The following COL21A1 variants were observed in gnomAD, a reference collection of about 807,000 sequenced individuals.
The protein encoded by COL21A1 is collagen alpha-1(XXI) chain.
In COL21A1, 149 loss-of-function variants were observed where a neutral mutation model predicts 137.9. The observed-to-expected ratio is 1.08, with a 90% CI of 0.95 to 1.24. The LOEUF is 1.24. Among genes scored for constraint, COL21A1 ranks in the 50% most tolerant of loss-of-function variants. The probability of loss-of-function intolerance (pLI) is 0.00; values close to 1 mark genes in which losing one functional copy is unlikely to be tolerated. For missense variants in COL21A1, 1,167 were observed against 1,158.4 expected (o/e 1.01, Z -0.11); for synonymous variants, 456 against 391.5 (o/e 1.16, Z -1.95).
chr6:56,129,560 C>T (rs1308596361), intron 12 of COL21A1, among the ~76,000 whole-genome samples: 2 of 152,088 alleles, frequency 1.3e-5, no homozygotes, highest in African/African-American at 4.8e-5. Context: ...AACTATGTTT[C>T]CAGTCTAAAA....
chr6:56,353,336 T>C (rs888883999), intron 1 of COL21A1, among the ~76,000 whole-genome samples: 2 of 152,118 alleles, frequency 1.3e-5, no homozygotes, highest in African/African-American at 4.8e-5. Flanking sequence ...ATTCCACAGC[T>C]GCCAGACTGG....
At chr6:56,132,110 T>C (rs558043887) in intron 12 of COL21A1, among the ~76,000 whole-genome samples, 56 of 150,674 alleles carry the variant, frequency 3.7e-4, no homozygotes, top group Non-Finnish European at 6.8e-4. Context: ...ATATAACCAA[T>C]ATAAAATATA....
In COL21A1 at chr6:56,387,971, C is replaced by G. The variant is rs558141697; in HGVS notation, c.-39+6000G>C. Among the ~76,000 whole-genome samples the G allele has an allele frequency of 8.5e-5, 13 of 152,234 alleles. No individual in the cohort carries two copies. The East Asian group carries it at 2.5e-3, about 29-fold the overall frequency. On this transcript the variant is annotated intron_variant, in intron 1 of 28. Coordinates refer to the COL21A1 transcript ENST00000370819. ...AAGGGAGTGCCTGCATCATCCCGCC[C>G]CCAGCTCCAGGCAGTTCAGCTCCAA...
chr6:56,147,810 C>T (rs968278592), intron 10 of COL21A1, among the ~76,000 whole-genome samples: 2 of 152,108 alleles, frequency 1.3e-5, no homozygotes, highest in African/African-American at 4.8e-5. Context: ...GCTGGTCAGG[C>T]TCATCTCATG....
chr6:56,199,228 C>T (rs931131846), intron 1 of COL21A1, among the ~76,000 whole-genome samples: 3 of 152,082 alleles, frequency 2.0e-5, no homozygotes, highest in Non-Finnish European at 4.4e-5. Context: ...ACTTGCCTCA[C>T]TTCTAGTGAA....
rs549444079 is a variant in COL21A1, at chr6:56,387,822, T to C, written c.-39+6149A>G. Among the ~76,000 whole-genome samples the C allele has an allele frequency of 2.9e-3, 437 of 152,282 alleles. 2 individuals carry two copies. Among genetic ancestry groups the C allele is most frequent in the African/African-American group, 9.1e-3 (378 of 41,560 alleles). ...TGACTCATGGACCTGTGGCCCAGAA[T>C]AAATTTGAGTGGCAGTCAGGCCACA... is the stretch of plus-strand genomic sequence containing the variant. On this transcript the variant is annotated intron_variant, in intron 1 of 28. Transcript: ENST00000370819.
intron 1 of COL21A1, among the ~76,000 whole-genome samples, chr6:56,378,372 T>C (rs918008194): frequency 1.2e-4 from 19 of 152,112 alleles, no homozygotes; most frequent in African/African-American, 4.6e-4. Flanking sequence ...CCAGGCCAGA[T>C]AGCATCCACC....
At chr6:56,367,808 G>A (rs1766135157) in intron 1 of COL21A1, among the ~76,000 whole-genome samples, 1 of 152,208 alleles carries the variant, frequency 6.6e-6, no homozygotes, top group African/African-American at 2.4e-5. Flanking sequence ...TCGAACTCCT[G>A]AGCACAAGAG....
chr6:56,127,684 C>G (rs1206342648), intron 12 of COL21A1, among the ~76,000 whole-genome samples: 1 of 152,160 alleles, frequency 6.6e-6, no homozygotes, highest in Non-Finnish European at 1.5e-5. Context: ...TTCTTGAGTT[C>G]AATGTCACTA....
chr6:56,300,281 G>A (rs1323992493), intron 1 of COL21A1, among the ~76,000 whole-genome samples: 1 of 152,074 alleles, frequency 6.6e-6, no homozygotes, highest in African/African-American at 2.4e-5. Flanking sequence ...ATAAGGAGTG[G>A]AGAGTGGAAT....
At chr6:56,340,673 C>A (rs1382256846) in intron 1 of COL21A1, among the ~76,000 whole-genome samples, 1 of 152,124 alleles carries the variant, frequency 6.6e-6, no homozygotes. Context: ...TTGGCTTTCC[C>A]TAGTGTTAAT....
chr6:56,158,367 G>A (rs1775948262), intron 9 of COL21A1, among the ~76,000 whole-genome samples: 1 of 135,578 alleles, frequency 7.4e-6, no homozygotes, highest in African/African-American at 2.8e-5. Context: ...CAACCTCCCA[G>A]GCTCAAGTGA....
At chr6:56,094,499 C>G (rs1769147827) in intron 17 of COL21A1, among the ~76,000 whole-genome samples, 1 of 152,106 alleles carries the variant, frequency 6.6e-6, no homozygotes, top group Non-Finnish European at 1.5e-5. Flanking sequence ...GTAGTCTGTT[C>G]AAGGCAATAT....
At chr6:56,359,522 C>T (rs904054400) in intron 1 of COL21A1, among the ~76,000 whole-genome samples, 3 of 152,112 alleles carry the variant, frequency 2.0e-5, no homozygotes, top group African/African-American at 7.2e-5. Context: ...CTGTTTATGT[C>T]CTGTAATTCG....
At chr6:56,254,344 C>T (rs1389765550) in intron 1 of COL21A1, among the ~76,000 whole-genome samples, 2 of 152,116 alleles carry the variant, frequency 1.3e-5, no homozygotes, top group African/African-American at 2.4e-5. Context: ...ATACAGGCAT[C>T]CTCAAAGCAG....
At chr6:56,196,414 G>C (rs1779029174) in intron 1 of COL21A1, among the ~76,000 whole-genome samples, 1 of 152,056 alleles carries the variant, frequency 6.6e-6, no homozygotes, top group Non-Finnish European at 1.5e-5. Context: ...AATTGGAAAG[G>C]AAGAAGTAAG....
In COL21A1 at chr6:56,058,177, C is replaced by G. The variant is rs184298492; in HGVS notation, c.2687-333G>C. ...TTTCTTCCTTTCAGCCTATCTTTTA[C>G]CAATATTATTATAAATTAACAGGTG... On this transcript the variant is annotated intron_variant, in intron 29 of 29. Transcript: ENST00000244728. 6.0e-4 allele frequency among the ~76,000 whole-genome samples: 91 copies of G among 152,174 alleles called. 1 individual carries two copies. The highest frequency in any genetic ancestry group is 9.4e-4 in the Non-Finnish European group (64 of 67,996).
In COL21A1 at chr6:56,101,468, T is replaced by TC; in HGVS notation, c.1812+3dup. On this transcript the variant is annotated splice_donor_region_variant and intron_variant, in intron 17 of 29. Coordinates refer to ENST00000244728, the MANE Select transcript of COL21A1 (RefSeq NM_030820.4). ...TTTTAGAACTGAAATGAGAAGGTAC[T>TC]CACAGGCTCTCCCCGTGTTCCATCC... is the stretch of plus-strand genomic sequence containing the variant. 1 of 1,589,068 alleles carries TC rather than the reference T, an allele frequency of 6.3e-7. No homozygotes were observed. Among genetic ancestry groups the TC allele is most frequent in the Non-Finnish European group, 8.6e-7 (1 of 1,164,898 alleles).
intron 1 of COL21A1, among the ~76,000 whole-genome samples, chr6:56,280,339 G>T (rs1354661623): frequency 1.3e-5 from 2 of 152,102 alleles, no homozygotes; most frequent in East Asian, 3.9e-4. Context: ...GCTCGATTCT[G>T]CTTCCTTCCA....
Sources: allele counts gnomAD v4.1 joint callset (sites outside exome capture counted in the v4.1 genomes callset), GRCh38; gene constraint gnomAD v4.1.1; transcripts MANE v1.5; gene names NCBI Gene and HGNC (gene_info 2026-07-23, HGNC 2026-07-21).